The following NCAPD3 variants were observed in gnomAD, a reference collection of about 807,000 sequenced individuals.
The protein encoded by NCAPD3 is condensin-2 complex subunit D3.
NCAPD3 carries 105 observed loss-of-function variants against 182.9 expected under a neutral mutation model. That is an observed-to-expected ratio of 0.57 (90% CI 0.49 to 0.68). NCAPD3 has a LOEUF of 0.68. Among genes scored for constraint, NCAPD3 ranks in the 30% least tolerant of loss-of-function variants. NCAPD3 has a pLI of 0.00. For missense variants in NCAPD3, 1,944 were observed against 1,837.0 expected (o/e 1.06, Z -1.07); for synonymous variants, 815 against 679.9 (o/e 1.20, Z -3.09).
At chr11:134,192,023 G>C (rs896506577) in intron 16 of NCAPD3, among the ~76,000 whole-genome samples, 1 of 152,128 alleles carries the variant, frequency 6.6e-6, no homozygotes, top group Non-Finnish European at 1.5e-5. Context: ...GAGCATGTTT[G>C]GATTTTAGAT....
rs533807177 is a variant in NCAPD3, at chr11:134,156,970, T to C, written c.4252+48A>G. On this transcript the variant is annotated intron_variant, in intron 32 of 34. Transcript: ENST00000534548. ...GCGACTCTAGCAAACACATCACGAA[T>C]GCAGGAGAGACTGAGGAGAAGCCCA... The C allele has an allele frequency of 1.1e-5, 16 of 1,486,426 alleles. No homozygotes were observed. The East Asian group carries it at 3.4e-4, about 32-fold the overall frequency. 92.1% of individuals were successfully genotyped at this position (1,486,426 alleles called of 1,614,324 possible). A position where few individuals can be genotyped will look rare whatever the true frequency, so the allele number is the denominator to read the frequency against.
rs1339731141 is a variant in NCAPD3, at chr11:134,176,339, G to T, written c.3069C>A (p.Ser1023Arg). 6.2e-7 allele frequency: 1 copy of T among 1,614,134 alleles called. No homozygotes were observed. The change falls in exon 24 of 35, where the codon AGC becomes AGA. Residue 1023 changes from serine (S) to arginine (R), a missense_variant. Ser to Arg is a moderately radical substitution (Grantham distance 110). Coordinates refer to ENST00000534548, the MANE Select transcript of NCAPD3 (RefSeq NM_015261.3). Reference sequence around the variant, plus strand: ...TGTCTGGGTGTGAATCGATCAGAGTGCTGACAAATCGGAAGAACAGGGAGC... The same window carrying T: ...TGTCTGGGTGTGAATCGATCAGAGTTCTGACAAATCGGAAGAACAGGGAGC... Reference protein sequence around the residue: ...WKGSLFFRFVSTLIDSHPDIA... With the variant: ...WKGSLFFRFVRTLIDSHPDIA...
At chr11:134,188,270 G>A (rs1944452930) in intron 16 of NCAPD3, among the ~76,000 whole-genome samples, 1 of 152,056 alleles carries the variant, frequency 6.6e-6, no homozygotes, top group South Asian at 2.1e-4. Flanking sequence ...GTACCAATCA[G>A]CACTCTGTAA....
Position 134,152,848 on chromosome 11 carries a change from G to T in NCAPD3, c.*96C>A. ...TGTTCCACAGCAAAGCGCTGCCCAAGGACTGCGGGAAGTGATCCAGCTGCC... is the reference window on the plus strand; with the variant it reads ...TGTTCCACAGCAAAGCGCTGCCCAATGACTGCGGGAAGTGATCCAGCTGCC... On this transcript the variant is annotated 3_prime_UTR_variant, in exon 35 of 35. Coordinates refer to ENST00000534548, the MANE Select transcript of NCAPD3 (RefSeq NM_015261.3). The T allele has an allele frequency of 1.0e-6, 1 of 989,700 alleles. No individual in the cohort carries two copies. The highest frequency in any genetic ancestry group is 1.6e-5 in the South Asian group (1 of 61,412). The allele number at this position is 989,700 out of a possible 1,614,324, so 61.3% of individuals were successfully genotyped here. A position where few individuals can be genotyped will look rare whatever the true frequency, so the allele number is the denominator to read the frequency against.
At chr11:134,174,334 G>T (rs568767401) in intron 24 of NCAPD3, among the ~76,000 whole-genome samples, 1 of 123,370 alleles carries the variant, frequency 8.1e-6, no homozygotes, top group East Asian at 2.7e-4. Flanking sequence ...AGGGAGCCAT[G>T]ACTGTACCAC....
chr11:134,224,076 A>C, upstream of NCAPD3: 22 of 912,792 alleles, frequency 2.4e-5, no homozygotes, highest in Non-Finnish European at 3.2e-5. Flanking sequence ...CGCTCAACCA[A>C]TCACCGGCGT....
intron 13 of NCAPD3, among the ~76,000 whole-genome samples, chr11:134,201,175 C>G (rs1053887398): frequency 6.6e-6 from 1 of 152,064 alleles, no homozygotes; most frequent in Admixed American, 6.5e-5. Context: ...AGGTGTGTGC[C>G]ACCACGCCCA....
At chr11:134,163,115 G>A (rs1490350824) in intron 27 of NCAPD3, among the ~76,000 whole-genome samples, 2 of 152,176 alleles carry the variant, frequency 1.3e-5, no homozygotes, top group African/African-American at 4.8e-5. Flanking sequence ...AAGGTGGAAG[G>A]CACACCAGAA....
intron 27 of NCAPD3, among the ~76,000 whole-genome samples, chr11:134,167,528 ACACT>A (rs1407962401): frequency 3.9e-5 from 5 of 126,924 alleles, no homozygotes; most frequent in African/African-American, 9.2e-5. Flanking sequence ...GGGGAGCTGC[ACACT>A]CACTAGTGAG....
At chr11:134,193,896 A>G (rs1944572870) in intron 15 of NCAPD3, 120 bp downstream of exon 15, 1 of 984,720 alleles carries the variant, frequency 1.0e-6, no homozygotes, top group South Asian at 1.6e-5. Context: ...GTACAGTTCT[A>G]CAGTGGACTT....
At position 134,184,910 on chromosome 11, in the gene NCAPD3, T is replaced by G; in HGVS notation, c.2328A>C (p.Lys776Asn). The G allele has an allele frequency of 6.2e-7, 1 of 1,609,416 alleles. No individual in the cohort carries two copies. Among genetic ancestry groups the G allele is most frequent in the Non-Finnish European group, 8.5e-7 (1 of 1,175,852 alleles). The change falls in exon 18 of 35, where the codon AAA becomes AAC. Residue 776 changes from lysine (K) to asparagine (N), a missense_variant. Lys to Asn is a moderately conservative substitution (Grantham distance 94, BLOSUM62 0). Transcript: ENST00000534548. ...TCTCCAGCAGACACTCACCAGTCAC[T>G]TTGTCCCGGGTGCTCTTAGGAAGAT... ...AKHLPKSTRD[K>N]VTDAVKCKLN...
At chr11:134,167,503 C>A (rs1347758055) in intron 27 of NCAPD3, among the ~76,000 whole-genome samples, 4 of 133,174 alleles carry the variant, frequency 3.0e-5, no homozygotes, top group South Asian at 2.6e-4. Flanking sequence ...GGCGCACACT[C>A]GTGAGATGAG....
At chr11:134,167,572 G>A (rs1438288982) in intron 27 of NCAPD3, among the ~76,000 whole-genome samples, 1 of 134,304 alleles carries the variant, frequency 7.4e-6, no homozygotes, top group Non-Finnish European at 1.6e-5. Context: ...ACACTCACTA[G>A]TGAGATGAGC....
intron 16 of NCAPD3, among the ~76,000 whole-genome samples, chr11:134,188,637 C>T (rs200589209): frequency 6.6e-5 from 10 of 152,166 alleles, no homozygotes; most frequent in Non-Finnish European, 1.0e-4. Context: ...ACACTCACTA[C>T]GAAGGTCTGC....
At position 134,157,049 on chromosome 11, in the gene NCAPD3, G is replaced by C. The variant is rs35943668; in HGVS notation, c.4221C>G (p.His1407Gln). The C allele has an allele frequency of 6.2e-7, 1 of 1,613,460 alleles. No homozygotes were observed. Among genetic ancestry groups the C allele is most frequent in the Admixed American group, 1.7e-5 (1 of 59,950 alleles). ...LEQESNGEIE[H>Q]VTKRAISTPE... is the part of the protein sequence containing the mutation. ...GGGTGCTGATGGCCCGCTTGGTCAC[G>C]TGCTCAATCTCGCCATTCGACTCTT... Residue 1407 changes from histidine to glutamine, a missense_variant, in exon 32 of 35, where the codon CAC (histidine) becomes CAG (glutamine). Physicochemically the swap from His to Gln is conservative, Grantham distance 24. Transcript: ENST00000534548.
At chr11:134,174,005 C>T (rs1944092938) in intron 24 of NCAPD3, among the ~76,000 whole-genome samples, 1 of 151,386 alleles carries the variant, frequency 6.6e-6, no homozygotes, top group African/African-American at 2.4e-5. Flanking sequence ...AAAAACAAAA[C>T]CCAGAACCTC....
intron 13 of NCAPD3, among the ~76,000 whole-genome samples, chr11:134,200,363 A>G (rs1303212564): frequency 6.6e-6 from 1 of 152,220 alleles, no homozygotes; most frequent in Non-Finnish European, 1.5e-5. Flanking sequence ...ATATATAAAA[A>G]TAACTCTTTC....
In NCAPD3 at chr11:134,152,822, G is replaced by A. The variant is rs867586081; in HGVS notation, c.*122C>T. On this transcript the variant is annotated 3_prime_UTR_variant, in exon 35 of 35. Coordinates refer to ENST00000534548, the MANE Select transcript of NCAPD3 (RefSeq NM_015261.3). ...GCCAGGCCCCTGAGGAGGAGCTCTCGTGTTCCACAGCAAAGCGCTGCCCAA... is the reference window on the plus strand; with the variant it reads ...GCCAGGCCCCTGAGGAGGAGCTCTCATGTTCCACAGCAAAGCGCTGCCCAA... The A allele has an allele frequency of 1.6e-5, 12 of 746,900 alleles. No homozygotes were observed. The highest frequency in any genetic ancestry group is 3.5e-5 in the African/African-American group (2 of 57,106). The allele number at this position is 746,900 out of a possible 1,614,324, so 46.3% of individuals were successfully genotyped here.
rs577696496 is a variant in NCAPD3, at chr11:134,175,471, T to C, written c.3101+836A>G. ...TTTGTTATGTGAAATGTTCCCCTCC[T>C]TGGAAAATCACACCTAAAGAAAACT... On this transcript the variant is annotated intron_variant, in intron 24 of 34. Transcript: ENST00000534548. Among the ~76,000 whole-genome samples the C allele has an allele frequency of 3.9e-5, 6 of 152,316 alleles. No homozygotes were observed. In the South Asian group the frequency reaches 1.2e-3, roughly 32 times the overall value.
Sources: gnomAD v4.1 joint callset for allele counts (sites outside exome capture counted in the v4.1 genomes callset) on GRCh38, gnomAD v4.1.1 for gene constraint, MANE v1.5 for transcripts, NCBI Gene and HGNC (gene_info 2026-07-23, HGNC 2026-07-21) for gene names.